MEIS1: variants seen among roughly 807,000 people sequenced by gnomAD.
The protein encoded by MEIS1 is Meis homeobox 1.
In MEIS1, 5 loss-of-function variants were observed where a neutral mutation model predicts 50.8. The observed-to-expected ratio is 0.10, with a 90% CI of 0.05 to 0.21. The LOEUF (loss-of-function observed/expected upper bound fraction) is 0.21, where lower values mean the gene tolerates loss of function less well. Ranked by LOEUF, MEIS1 falls within the 10% of genes least tolerant of loss-of-function variation. MEIS1 has a pLI of 1.00. For synonymous variants in MEIS1, 176 were observed against 179.3 expected (o/e 0.98, Z 0.15); for missense variants, 318 against 517.3 (o/e 0.61, Z 3.74).
chr2:66,562,232 C>G (rs1675238115), intron 9 of MEIS1: 1 of 151,354 alleles, frequency 6.6e-6, no homozygotes, highest in South Asian at 2.1e-4. Flanking sequence ...GGAAACTAAA[C>G]TTAGCAATTC....
chr2:66,503,539 A>T (rs1445178811), intron 7 of MEIS1, among the ~76,000 whole-genome samples: 2 of 152,188 alleles, frequency 1.3e-5, no homozygotes, highest in African/African-American at 4.8e-5. Flanking sequence ...TTGCAGTTGT[A>T]CATTTATTAC....
At chr2:66,530,927 G>A (rs1304286257) in intron 8 of MEIS1, among the ~76,000 whole-genome samples, 1 of 152,230 alleles carries the variant, frequency 6.6e-6, no homozygotes, top group Non-Finnish European at 1.5e-5. Flanking sequence ...ACCTTTGCAT[G>A]TGAGTTCAAC....
At chr2:66,444,886 C>G (rs912883105) in intron 6 of MEIS1, among the ~76,000 whole-genome samples, 37 of 152,194 alleles carry the variant, frequency 2.4e-4, no homozygotes, top group African/African-American at 8.7e-4. Context: ...GAAATCAACA[C>G]TTTAATTGCC....
At chr2:66,452,018 T>A (rs548349319) in intron 6 of MEIS1, among the ~76,000 whole-genome samples, 5 of 152,010 alleles carry the variant, frequency 3.3e-5, no homozygotes, top group Non-Finnish European at 7.4e-5. Flanking sequence ...AGCCAATATA[T>A]ATATAGAAAA....
At chr2:66,442,342 G>A (rs1672011356) in intron 5 of MEIS1, among the ~76,000 whole-genome samples, 1 of 149,484 alleles carries the variant, frequency 6.7e-6, no homozygotes, top group African/African-American at 2.5e-5. Flanking sequence ...CATATCAGGA[G>A]TACTGGCAAC....
At chr2:66,448,902 T>C (rs1243638609) in intron 6 of MEIS1, among the ~76,000 whole-genome samples, 1 of 152,170 alleles carries the variant, frequency 6.6e-6, no homozygotes, top group Admixed American at 6.5e-5. Context: ...CAGCTCTCAG[T>C]CATTTTTGTT....
In MEIS1 at chr2:66,435,764, TTTTCC is replaced by T; in HGVS notation, c.-92_-88del. Reference sequence around the variant, plus strand: ...CGTGCTTTTTTTTTTTTTTTTTTTTTTTTCCGGGGGAGTTTGAATATTTGTTTCTT... The same window carrying T: ...CGTGCTTTTTTTTTTTTTTTTTTTTTGGGGGAGTTTGAATATTTGTTTCTT... On this transcript the variant is annotated 5_prime_UTR_variant, in exon 1 of 13. Coordinates refer to ENST00000272369, the MANE Select transcript of MEIS1 (RefSeq NM_002398.3). The T allele has an allele frequency of 1.2e-6, 1 of 855,406 alleles. No individual in the cohort carries two copies. Among genetic ancestry groups the T allele is most frequent in the Non-Finnish European group, 1.8e-6 (1 of 571,204 alleles). 53.0% of individuals were successfully genotyped at this position (855,406 alleles called of 1,614,324 possible). A position where few individuals can be genotyped will look rare whatever the true frequency, so the allele number is the denominator to read the frequency against.
chr2:66,438,692 C>T (rs1208013958), intron 2 of MEIS1, among the ~76,000 whole-genome samples: 1 of 152,194 alleles, frequency 6.6e-6, no homozygotes, highest in Non-Finnish European at 1.5e-5. Flanking sequence ...CGATTAGACC[C>T]TGGGCTAGTA....
intron 9 of MEIS1, among the ~76,000 whole-genome samples, chr2:66,565,721 A>G (rs910247092): frequency 6.6e-6 from 1 of 152,198 alleles, no homozygotes; most frequent in African/African-American, 2.4e-5. Flanking sequence ...AAGTCTGGAA[A>G]AAGAAAGTTA....
chr2:66,488,796 G>A (rs1012636244), intron 7 of MEIS1, among the ~76,000 whole-genome samples: 11 of 152,206 alleles, frequency 7.2e-5, no homozygotes, highest in Non-Finnish European at 1.5e-4. Context: ...ACAAGGATAA[G>A]AGAAAACTTC....
At chr2:66,497,685 A>G (rs1189883569) in intron 7 of MEIS1, among the ~76,000 whole-genome samples, 2 of 152,214 alleles carry the variant, frequency 1.3e-5, no homozygotes, top group Admixed American at 6.5e-5. Context: ...GCTTAAGCTT[A>G]GGACTTCGAG....
chr2:66,567,399 A>ACC, intron 9 of MEIS1, 54 bp from the exon 10 acceptor site: 2 of 1,564,930 alleles, frequency 1.3e-6, no homozygotes, highest in Non-Finnish European at 1.7e-6. Context: ...CTCTTCCTCA[A>ACC]CCCCCCCTTT....
At chr2:66,455,065 T>C (rs527796264) in intron 6 of MEIS1, among the ~76,000 whole-genome samples, 17 of 152,322 alleles carry the variant, frequency 1.1e-4, no homozygotes, top group Non-Finnish European at 1.5e-4. Flanking sequence ...TTTTTATTAA[T>C]AGCATGCCAG....
At chr2:66,566,810 C>CAA (rs5831821) in intron 9 of MEIS1, among the ~76,000 whole-genome samples, 40,800 of 138,398 alleles carry the variant, frequency 0.29, 6,443 homozygotes, top group Non-Finnish European at 0.35. Context: ...ACATAAAGAG[C>CAA]AAAAAAAAAA....
Position 66,461,767 on chromosome 2 carries a change from A to G in MEIS1, c.631-2342A>G, listed in dbSNP as rs971508514. 1.9e-5 allele frequency: 8 copies of G among 429,370 alleles called. No homozygotes were observed. In the Admixed American group the frequency reaches 2.2e-4, roughly 12 times the overall value. The allele number at this position is 429,370 out of a possible 1,614,324, so 26.6% of individuals were successfully genotyped here. On this transcript the variant is annotated intron_variant, in intron 6 of 12. Transcript: ENST00000272369. ...AGGAGCCCAGCATCTAAGGCCCAAC[A>G]CAATGAAAATGCAATGAATCGGAAT...
chr2:66,450,647 C>T (rs145686231), intron 6 of MEIS1, among the ~76,000 whole-genome samples: 3 of 152,204 alleles, frequency 2.0e-5, no homozygotes, highest in Admixed American at 6.5e-5. Context: ...CTTAAATATA[C>T]ATTATTTTAA....
At chr2:66,459,957 G>A (rs1472902672) in intron 6 of MEIS1, among the ~76,000 whole-genome samples, 1 of 152,126 alleles carries the variant, frequency 6.6e-6, no homozygotes, top group Non-Finnish European at 1.5e-5. Flanking sequence ...ACGTCTGGTA[G>A]CATATAGGAA....
At chr2:66,500,707 G>A (rs2103828861) in intron 7 of MEIS1, among the ~76,000 whole-genome samples, 1 of 152,288 alleles carries the variant, frequency 6.6e-6, no homozygotes, top group Admixed American at 6.5e-5. Context: ...TTACAGGCAT[G>A]AGCCACCGTG....
intron 8 of MEIS1, among the ~76,000 whole-genome samples, chr2:66,517,402 A>T (rs1191352946): frequency 6.6e-6 from 1 of 152,034 alleles, no homozygotes; most frequent in African/African-American, 2.4e-5. Flanking sequence ...ACTAGTATGA[A>T]GGTGCGAGAA....
Sources: allele counts gnomAD v4.1 joint callset (sites outside exome capture counted in the v4.1 genomes callset), GRCh38; gene constraint gnomAD v4.1.1; transcripts MANE v1.5; gene names NCBI Gene and HGNC (gene_info 2026-07-23, HGNC 2026-07-21).